Variants in MAP3K13 observed in about 807,000 individuals in gnomAD.
MAP3K13 encodes mitogen-activated protein kinase kinase kinase 13.
In MAP3K13, 52 loss-of-function variants were observed where a neutral mutation model predicts 104.0. That is an observed-to-expected ratio of 0.50 (90% CI 0.40 to 0.63). MAP3K13 has a LOEUF of 0.63. MAP3K13 is among the 20% of genes least tolerant of loss of function. The pLI, the probability that MAP3K13 is intolerant of heterozygous loss-of-function variation, is 0.00. For missense variants in MAP3K13, 914 were observed against 1,218.5 expected, an observed-to-expected ratio of 0.75 and a Z score of 3.72; for synonymous variants, 394 against 442.2, an observed-to-expected ratio of 0.89 and a Z score of 1.37.
At chr3:185,397,118 G>A (rs1206891676) in intron 1 of MAP3K13, among the ~76,000 whole-genome samples, 1 of 152,036 alleles carries the variant, frequency 6.6e-6, no homozygotes, top group Non-Finnish European at 1.5e-5. Flanking sequence ...AGGTCATTCG[G>A]TTCAATCCTC....
At chr3:185,380,429 T>C (rs1724656682) in intron 1 of MAP3K13, among the ~76,000 whole-genome samples, 1 of 149,378 alleles carries the variant, frequency 6.7e-6, no homozygotes, top group African/African-American at 2.5e-5. Context: ...GAGAATCGCT[T>C]GAACCCGGGA....
intron 2 of MAP3K13, among the ~76,000 whole-genome samples, chr3:185,305,241 A>G (rs1303864666): frequency 6.6e-6 from 1 of 152,134 alleles, no homozygotes; most frequent in Admixed American, 6.5e-5. Flanking sequence ...AGAGAGAGAC[A>G]TGCTTTGACA....
intron 2 of MAP3K13, among the ~76,000 whole-genome samples, chr3:185,294,200 T>C (rs1720840951): frequency 6.6e-6 from 1 of 152,174 alleles, no homozygotes; most frequent in Non-Finnish European, 1.5e-5. Flanking sequence ...AGTTTAATGA[T>C]TTAAGATAAA....
chr3:185,343,244 AG>A, intron 2 of MAP3K13, among the ~76,000 whole-genome samples: 1 of 152,324 alleles, frequency 6.6e-6, no homozygotes, highest in African/African-American at 2.4e-5. Context: ...GAATCACACA[AG>A]GGTGTGAACA....
chr3:185,414,248 T>A (rs1294536974), intron 1 of MAP3K13, among the ~76,000 whole-genome samples: 1 of 152,232 alleles, frequency 6.6e-6, no homozygotes, highest in Non-Finnish European at 1.5e-5. Flanking sequence ...TTAGAGCGGT[T>A]TCACATAATC....
At chr3:185,419,980 G>C (rs965538738) in intron 1 of MAP3K13, among the ~76,000 whole-genome samples, 1 of 151,956 alleles carries the variant, frequency 6.6e-6, no homozygotes, top group Non-Finnish European at 1.5e-5. Context: ...TATAGGTACT[G>C]GTATTCAAAA....
At position 185,447,740 on chromosome 3, in the gene MAP3K13, T is replaced by C. The variant is rs1397778241; in HGVS notation, c.852-49T>C. On this transcript the variant is annotated intron_variant, in intron 4 of 13. Coordinates refer to ENST00000265026, the MANE Select transcript of MAP3K13 (RefSeq NM_004721.5). ...GTTTCAGCCATTTAGAATCATGGTT[T>C]TCGTTAGTACTAATGATCCAGATGT... 7.8e-6 allele frequency: 11 copies of C among 1,407,972 alleles called. No individual in the cohort carries two copies. The South Asian group carries it at 1.1e-4, about 14-fold the overall frequency. 87.2% of individuals were successfully genotyped at this position (1,407,972 alleles called of 1,614,324 possible).
At chr3:185,283,775 T>G (rs1720397887) in intron 1 of MAP3K13, among the ~76,000 whole-genome samples, 1 of 152,172 alleles carries the variant, frequency 6.6e-6, no homozygotes, top group South Asian at 2.1e-4. Flanking sequence ...GGGAAGAACT[T>G]GTAGGGAAAT....
chr3:185,395,301 T>C (rs1712315098), intron 1 of MAP3K13, among the ~76,000 whole-genome samples: 1 of 151,544 alleles, frequency 6.6e-6, no homozygotes, highest in Admixed American at 6.6e-5. Flanking sequence ...TTTGTTTTGT[T>C]TGGTCCCCTT....
intron 7 of MAP3K13, among the ~76,000 whole-genome samples, chr3:185,455,112 A>ATGAGATATATG (rs1716380062): frequency 8.3e-6 from 1 of 120,910 alleles, no homozygotes; most frequent in East Asian, 2.2e-4. Context: ...TGTGAGATAT[A>ATGAGATATATG]TGAGATATAT....
chr3:185,482,387 C>T lies in MAP3K13; in HGVS notation c.2832C>T (p.Asp944=), dbSNP rs758674605. ...TGCAGTTTGAAGAATCGGACTGTGA[C>T]TCTTCAGATGGGGAGTGTTCTGATG... ...NPMQFEESDC[D]SSDGECSDAT... Residue 944 remains aspartate (D), a synonymous_variant, in exon 14 of 14, where the codon GAC becomes GAT. Coordinates refer to ENST00000265026, the MANE Select transcript of MAP3K13 (RefSeq NM_004721.5). The surrounding 1 kb of genome is among the most constrained non-coding windows in gnomAD (Gnocchi z 4.5). 2.3e-5 allele frequency: 37 copies of T among 1,613,896 alleles called. No homozygotes were observed. In the East Asian group the frequency reaches 8.0e-4, roughly 35 times the overall value.
Position 185,443,474 on chromosome 3 carries a change from G to A in MAP3K13, c.689G>A (p.Cys230Tyr). The change falls in exon 4 of 14, where the codon TGT becomes TAT. Residue 230 changes from cysteine (C) to tyrosine (Y), a missense_variant. Around this residue, in one of 3 missense-constraint regions of MAP3K13, gnomAD observed 175 missense variants for 321.3 expected, o/e 0.54. Coordinates refer to ENST00000265026, the MANE Select transcript of MAP3K13 (RefSeq NM_004721.5). ...KGVCTQAPCY[C>Y]IIMEYCAHGQ... ...GTTTGTACTCAGGCCCCATGTTATT[G>A]TATTATCATGGAATACTGTGCCCAT... The A allele has an allele frequency of 1.2e-6, 2 of 1,613,768 alleles. No individual in the cohort carries two copies. Among genetic ancestry groups the A allele is most frequent in the Non-Finnish European group, 1.7e-6 (2 of 1,179,788 alleles).
Position 185,428,710 on chromosome 3 carries a change from C to A in MAP3K13, c.129C>A (p.Leu43=), listed in dbSNP as rs769649241. Residue 43 remains leucine, a synonymous_variant, in exon 2 of 14, where the codon CTC becomes CTA. Coordinates refer to ENST00000265026, the MANE Select transcript of MAP3K13 (RefSeq NM_004721.5). ...AMGNHPSPKL[L]EDQQEKGMVR... ...GGAACCACCCTTCTCCCAAGCTGCT[C>A]GAGGACCAGCAGGAAAAGGGGATGG... 3 of 1,614,146 alleles carry A rather than the reference C, an allele frequency of 1.9e-6. No individual in the cohort carries two copies. Among genetic ancestry groups the A allele is most frequent in the African/African-American group, 1.3e-5 (1 of 75,038 alleles).
At chr3:185,449,371 TAAAAA>T (rs61621090) in intron 5 of MAP3K13, among the ~76,000 whole-genome samples, 8 of 80,782 alleles carry the variant, frequency 9.9e-5, no homozygotes, top group African/African-American at 3.8e-4. Flanking sequence ...AGATGCTGTC[TAAAAA>T]AAAAAAAAAA....
chr3:185,286,223 C>A (rs1164507717), intron 2 of MAP3K13, among the ~76,000 whole-genome samples: 1 of 151,812 alleles, frequency 6.6e-6, no homozygotes, highest in African/African-American at 2.4e-5. Context: ...GGCAAAATTT[C>A]TTTTCTCCCA....
chr3:185,449,157 A>C (rs1715749045), intron 5 of MAP3K13, among the ~76,000 whole-genome samples: 1 of 152,084 alleles, frequency 6.6e-6, no homozygotes, highest in African/African-American at 2.4e-5. Context: ...GGATCACTTG[A>C]GGTCAGGAGT....
At chr3:185,467,085 C>A in intron 10 of MAP3K13, 122 bp downstream of exon 10, 1 of 1,076,864 alleles carries the variant, frequency 9.3e-7, no homozygotes. Context: ...TAGAGATACT[C>A]AGTACTCTAG....
Position 185,482,731 on chromosome 3 carries a change from A to G in MAP3K13, c.*275A>G, listed in dbSNP as rs1718536445. The G allele has an allele frequency of 2.9e-6, 1 of 343,050 alleles. No homozygotes were observed. Among genetic ancestry groups the G allele is most frequent in the Admixed American group, 4.6e-5 (1 of 21,652 alleles). 21.3% of individuals were successfully genotyped at this position (343,050 alleles called of 1,614,324 possible). On this transcript the variant is annotated 3_prime_UTR_variant, in exon 14 of 14. Coordinates refer to ENST00000265026, the MANE Select transcript of MAP3K13 (RefSeq NM_004721.5). The surrounding 1 kb of genome is among the most constrained non-coding windows in gnomAD (Gnocchi z 4.5). ...ATATTCTAGCTACTGTAACATTGAT[A>G]TTTATTTTTGTTTGACATTTTAACA... is the stretch of plus-strand genomic sequence containing the variant.
Position 185,352,254 on chromosome 3 carries a change from G to A in MAP3K13, c.-86+66611G>A, listed in dbSNP as rs926605377. 2.0e-5 allele frequency among the ~76,000 whole-genome samples: 3 copies of A among 152,160 alleles called. No homozygotes were observed. In the East Asian group the frequency reaches 5.8e-4, roughly 29 times the overall value. ...GAGGTTGGGAGTTTGAGACCAGCCT[G>A]ACCAACATGGAGAAACCCCATCTCT... On this transcript the variant is annotated intron_variant, in intron 2 of 14. Transcript: ENST00000424227.
Sources: gnomAD v4.1 joint callset for allele counts (sites outside exome capture counted in the v4.1 genomes callset) on GRCh38, gnomAD v4.1.1 for gene constraint, gnomAD v4.1.1 regional missense constraint, Gnocchi (gnomAD v3.1) non-coding constraint, MANE v1.5 for transcripts, NCBI Gene and HGNC (gene_info 2026-07-23, HGNC 2026-07-21) for gene names.